Variants in DYNC1I2 observed in about 807,000 individuals in gnomAD.
The protein encoded by DYNC1I2 is dynein cytoplasmic 1 intermediate chain 2.
A neutral mutation model predicts 88.6 loss-of-function variants in DYNC1I2; 53 were observed. The ratio of observed to expected loss-of-function variants is 0.60; its 90% CI spans 0.48 to 0.75. DYNC1I2 has a LOEUF of 0.75. Among genes scored for constraint, DYNC1I2 ranks in the 30% least tolerant of loss-of-function variants. The pLI is 0.00. For missense variants in DYNC1I2, 458 were observed against 766.6 expected (o/e 0.60, Z 4.75); for synonymous variants, 198 against 254.6 (o/e 0.78, Z 2.12).
At chr2:171,700,058 A>C (rs6720758) in intron 3 of DYNC1I2, among the ~76,000 whole-genome samples, 1 of 152,196 alleles carries the variant, frequency 6.6e-6, no homozygotes, top group Non-Finnish European at 1.5e-5. Context: ...TTCTGGCTCA[A>C]CTTCTCTCAT....
intron 3 of DYNC1I2, 73 bp downstream of exon 3, chr2:171,692,967 T>C: frequency 9.7e-7 from 1 of 1,028,146 alleles, no homozygotes; most frequent in Non-Finnish European, 1.5e-6. Context: ...GCTGAGTGGA[T>C]TGACTTGATA....
intron 2 of DYNC1I2, among the ~76,000 whole-genome samples, chr2:171,691,913 T>C (rs1331492579): frequency 6.6e-6 from 1 of 152,182 alleles, no homozygotes; most frequent in Admixed American, 6.5e-5. Flanking sequence ...AGTCTATTAA[T>C]ATATTTTTAT....
chr2:171,707,298 A>G lies in DYNC1I2; in HGVS notation c.256A>G (p.Met86Val). 1 of 1,613,718 alleles carries G rather than the reference A, an allele frequency of 6.2e-7. No individual in the cohort carries two copies. The highest frequency in any genetic ancestry group is 2.2e-5 in the East Asian group (1 of 44,862). ...VFSEYWVPPP[M>V]SPSSKSVSTP... Reference sequence around the variant, plus strand: ...ATTTCACTATTTAGTCCCTCCTCCTATGTCTCCATCCTCCAAATCTGTGAG... The same window carrying G: ...ATTTCACTATTTAGTCCCTCCTCCTGTGTCTCCATCCTCCAAATCTGTGAG... Residue 86 changes from methionine (M) to valine (V), a missense_variant, in exon 5 of 18, where the codon ATG becomes GTG. Met to Val is a conservative substitution (Grantham distance 21). Coordinates refer to ENST00000397119, the MANE Select transcript of DYNC1I2 (RefSeq NM_001378.3).
At chr2:171,710,725 CAG>C (rs1459903321) in intron 5 of DYNC1I2, among the ~76,000 whole-genome samples, 2 of 144,866 alleles carry the variant, frequency 1.4e-5, no homozygotes, top group Admixed American at 7.1e-5. Context: ...TTTTTTGAGT[CAG>C]AGTCTTGCTC....
At chr2:171,729,922 A>G in intron 15 of DYNC1I2, 69 bp downstream of exon 15, 3 of 1,538,192 alleles carry the variant, frequency 2.0e-6, no homozygotes, top group South Asian at 1.2e-5. Context: ...AATACTACAT[A>G]GGAATGATGA....
intron 15 of DYNC1I2, among the ~76,000 whole-genome samples, chr2:171,730,152 G>A (rs1335051113): frequency 2.0e-5 from 3 of 152,144 alleles, no homozygotes; most frequent in East Asian, 1.9e-4. Context: ...TGAGTATCTC[G>A]CATAGCACCT....
At chr2:171,697,775 T>C (rs1465488848) in intron 3 of DYNC1I2, among the ~76,000 whole-genome samples, 1 of 151,624 alleles carries the variant, frequency 6.6e-6, no homozygotes, top group Non-Finnish European at 1.5e-5. Flanking sequence ...GGAGGATCAA[T>C]TGAGTTTGCA....
At chr2:171,733,262 A>G (rs1688748069) in intron 15 of DYNC1I2, among the ~76,000 whole-genome samples, 1 of 151,930 alleles carries the variant, frequency 6.6e-6, no homozygotes, top group Non-Finnish European at 1.5e-5. Flanking sequence ...ATTTAGGCTG[A>G]TTCCATGTCT....
chr2:171,729,606 CA>C, intron 14 of DYNC1I2, 102 bp from the exon 15 acceptor site: 8 of 1,234,106 alleles, frequency 6.5e-6, no homozygotes, highest in Non-Finnish European at 9.1e-6. Flanking sequence ...TTAAGTCTGT[CA>C]AAATGAAGTC....
chr2:171,727,890 C>T lies in DYNC1I2; in HGVS notation c.1066C>T (p.Gln356Ter). ...TGTTGTTGGTGGTACATATTCAGGC[C>T]AAATTGTGCTTTGGGATAACCGTAG... ...NLVVGGTYSG[Q>*]IVLWDNRSNK... is the part of the protein sequence containing the mutation. The change falls in exon 12 of 18, where the codon CAA (glutamine) becomes TAA (stop). Residue 356 changes from glutamine to a stop codon, truncating the protein, a stop_gained. Coordinates refer to ENST00000397119, the MANE Select transcript of DYNC1I2 (RefSeq NM_001378.3). LOFTEE classifies it high-confidence loss of function. 6.2e-7 allele frequency: 1 copy of T among 1,613,196 alleles called. No individual in the cohort carries two copies. The highest frequency in any genetic ancestry group is 8.5e-7 in the Non-Finnish European group (1 of 1,179,412).
Position 171,745,694 on chromosome 2 carries a change from C to G in DYNC1I2, c.1678-108C>G, listed in dbSNP as rs188053729. On this transcript the variant is annotated intron_variant, in intron 16 of 17. Coordinates refer to ENST00000397119, the MANE Select transcript of DYNC1I2 (RefSeq NM_001378.3). ...TGGGGAAATTCTTACCTGTTTTCAT[C>G]TTTGTTTTTAAAAATGTAGCCAGCT... 67 of 1,238,668 alleles carry G rather than the reference C, an allele frequency of 5.4e-5. No individual in the cohort carries two copies. The East Asian group carries it at 1.6e-3, about 29-fold the overall frequency. The allele number at this position is 1,238,668 out of a possible 1,614,324, so 76.7% of individuals were successfully genotyped here.
chr2:171,745,922 G>C lies in DYNC1I2; in HGVS notation c.1798G>C (p.Gly600Arg). ...SEGQIVIYDV[G>R]EQIAVPRNDE... ...AGGACAGATTGTTATATACGATGTG[G>C]GAGAGGTATGGGACTCCCTGCCTGT... is the stretch of plus-strand genomic sequence containing the variant. The change falls in exon 17 of 18, where the codon GGA (glycine) becomes CGA (arginine). Residue 600 changes from glycine to arginine, a missense_variant. By Grantham distance (125) the Gly-to-Arg change is moderately radical (BLOSUM62 -2). Transcript: ENST00000397119. 1 of 1,613,612 alleles carries C rather than the reference G, an allele frequency of 6.2e-7. No homozygotes were observed. Among genetic ancestry groups the C allele is most frequent in the Non-Finnish European group, 8.5e-7 (1 of 1,179,674 alleles).
At chr2:171,727,401 C>G (rs915305828) in intron 11 of DYNC1I2, among the ~76,000 whole-genome samples, 1 of 152,030 alleles carries the variant, frequency 6.6e-6, no homozygotes. Context: ...AATTTGCAAG[C>G]CTTTTCTGAT....
intron 3 of DYNC1I2, among the ~76,000 whole-genome samples, chr2:171,695,825 A>G (rs888711298): frequency 7.2e-6 from 1 of 139,832 alleles, no homozygotes; most frequent in South Asian, 2.2e-4. Context: ...CTACCAGTGC[A>G]TGAAAAAGTA....
rs1336913546 is a variant in DYNC1I2 at position 171,690,142 on chromosome 2, C to A, written c.-9-5C>A. ...TTACTAACATAATGATTATATGTTT[C>A]TAAGGTCACAAACATGTCAGACAAA... On this transcript the variant is annotated splice_polypyrimidine_tract_variant and splice_region_variant and intron_variant, in intron 1 of 17. Coordinates refer to ENST00000397119, the MANE Select transcript of DYNC1I2 (RefSeq NM_001378.3). 9 of 1,515,248 alleles carry A rather than the reference C, an allele frequency of 5.9e-6. No individual in the cohort carries two copies. Among genetic ancestry groups the A allele is most frequent in the Non-Finnish European group, 8.0e-6 (9 of 1,123,248 alleles). The allele number at this position is 1,515,248 out of a possible 1,614,324, so 93.9% of individuals were successfully genotyped here. A position where few individuals can be genotyped will look rare whatever the true frequency, so the allele number is the denominator to read the frequency against.
At chr2:171,700,242 C>T (rs1313905629) in intron 3 of DYNC1I2, among the ~76,000 whole-genome samples, 1 of 152,148 alleles carries the variant, frequency 6.6e-6, no homozygotes, top group Non-Finnish European at 1.5e-5. Context: ...CTTGAGTATC[C>T]TGGTAGCATG....
intron 15 of DYNC1I2, among the ~76,000 whole-genome samples, chr2:171,731,097 A>T (rs1369548951): frequency 1.3e-5 from 2 of 152,242 alleles, no homozygotes; most frequent in Non-Finnish European, 2.9e-5. Context: ...GCACTTACCA[A>T]TGTTTAGTTT....
intron 7 of DYNC1I2, among the ~76,000 whole-genome samples, chr2:171,716,830 C>T (rs1300105976): frequency 1.3e-5 from 2 of 151,694 alleles, no homozygotes; most frequent in East Asian, 3.9e-4. Flanking sequence ...TGCTTGAACC[C>T]GGGAGGCAGA....
At chr2:171,690,456 A>G (rs1217524656) in intron 2 of DYNC1I2, among the ~76,000 whole-genome samples, 193 bp downstream of exon 2, 2 of 152,178 alleles carry the variant, frequency 1.3e-5, no homozygotes, top group Non-Finnish European at 2.9e-5. Flanking sequence ...TGCAGACATA[A>G]CACTGTAAGT....
Sources: gnomAD v4.1 joint callset for allele counts (sites outside exome capture counted in the v4.1 genomes callset) on GRCh38, gnomAD v4.1.1 for gene constraint, MANE v1.5 for transcripts, NCBI Gene and HGNC (gene_info 2026-07-23, HGNC 2026-07-21) for gene names.